The following RUNX1 variants were observed in gnomAD, a reference collection of about 807,000 sequenced individuals.
The protein encoded by RUNX1 is RUNX family transcription factor 1, also known as runt-related transcription factor 1.
A neutral mutation model predicts 42.8 loss-of-function variants in RUNX1; 19 were observed. The ratio of observed to expected loss-of-function variants is 0.44; its 90% CI spans 0.31 to 0.65. The LOEUF (loss-of-function observed/expected upper bound fraction) is 0.65, where lower values mean the gene tolerates loss of function less well. Among genes scored for constraint, RUNX1 ranks in the 30% least tolerant of loss-of-function variants. The pLI, the probability that RUNX1 is intolerant of heterozygous loss-of-function variation, is 0.07. For synonymous variants in RUNX1, 271 were observed against 289.4 expected, an observed-to-expected ratio of 0.94 and a Z score of 0.64; for missense variants, 528 against 672.0, an observed-to-expected ratio of 0.79 and a Z score of 2.37.
At chr21:34,897,745 C>T (rs113397207) in intron 2 of RUNX1, among the ~76,000 whole-genome samples, 1,881 of 152,202 alleles carry the variant, frequency 0.012, 44 homozygotes, top group African/African-American at 0.042. Flanking sequence ...TAGTTAGTAG[C>T]GTTGGAAGCA....
At chr21:34,998,731 T>G (rs375669842) in intron 2 of RUNX1, among the ~76,000 whole-genome samples, 2 of 152,020 alleles carry the variant, frequency 1.3e-5, no homozygotes. Context: ...TTAGTAGAGA[T>G]GGGGTTTCAC....
intron 4 of RUNX1, among the ~76,000 whole-genome samples, chr21:34,886,590 G>A (rs1350122865): frequency 6.6e-6 from 1 of 152,244 alleles, no homozygotes; most frequent in African/African-American, 2.4e-5. Context: ...CCGGCTCCCA[G>A]TGGATATCTT....
At chr21:35,038,632 T>TG (rs2059333599) in intron 2 of RUNX1, 1 of 453,732 alleles carries the variant, frequency 2.2e-6, no homozygotes, top group African/African-American at 2.0e-5. Context: ...TGTGTGTGTG[T>TG]GTGTGTGTGT....
At chr21:35,040,748 T>G (rs1367581253) in intron 2 of RUNX1, among the ~76,000 whole-genome samples, 1 of 127,960 alleles carries the variant, frequency 7.8e-6, no homozygotes, top group East Asian at 2.2e-4. Context: ...TCCAGCCTGG[T>G]GACAGAGCTA....
intron 5 of RUNX1, among the ~76,000 whole-genome samples, chr21:34,863,766 T>C (rs940565636): frequency 6.6e-6 from 1 of 151,996 alleles, no homozygotes; most frequent in South Asian, 2.1e-4. Context: ...ATGTCAGCCA[T>C]GCTGGTCTCG....
At chr21:34,872,284 G>C (rs2057749665) in intron 5 of RUNX1, among the ~76,000 whole-genome samples, 1 of 152,198 alleles carries the variant, frequency 6.6e-6, no homozygotes, top group South Asian at 2.1e-4. Context: ...AGTTTCTGCA[G>C]TCCTCGTGGA....
chr21:35,045,157 T>C (rs889264742), intron 2 of RUNX1, among the ~76,000 whole-genome samples: 1 of 152,220 alleles, frequency 6.6e-6, no homozygotes, highest in Non-Finnish European at 1.5e-5. Context: ...AAAGTCTAAA[T>C]GGCAAAGGCA....
At chr21:35,030,126 G>A (rs1051014370) in intron 2 of RUNX1, among the ~76,000 whole-genome samples, 9 of 152,084 alleles carry the variant, frequency 5.9e-5, no homozygotes, top group Admixed American at 4.6e-4. Flanking sequence ...GGTGGATCAC[G>A]AGGTTAGGAG....
At chr21:34,914,719 G>A (rs1380814781) in intron 2 of RUNX1, among the ~76,000 whole-genome samples, 2 of 152,170 alleles carry the variant, frequency 1.3e-5, no homozygotes, top group Non-Finnish European at 2.9e-5. Flanking sequence ...GTTCAACTGC[G>A]CCTGAGACAG....
At chr21:35,025,510 C>T (rs1021959903) in intron 2 of RUNX1, among the ~76,000 whole-genome samples, 1 of 152,202 alleles carries the variant, frequency 6.6e-6, no homozygotes, top group Non-Finnish European at 1.5e-5. Flanking sequence ...ACACGCTATC[C>T]CTGGCCAGCT....
rs1387510118 is a variant in RUNX1 at position 34,788,805 on chromosome 21, G to A, written c.*3330C>T. On this transcript the variant is annotated 3_prime_UTR_variant, in exon 9 of 9. Coordinates refer to ENST00000675419, the MANE Select transcript of RUNX1 (RefSeq NM_001754.5). ...TTTGTTCAGATGTAAAATATGTTTTGTGAGATTATTGTCAAACAAATTTTC... is the reference window on the plus strand; with the variant it reads ...TTTGTTCAGATGTAAAATATGTTTTATGAGATTATTGTCAAACAAATTTTC... 1 of 233,558 alleles carries A rather than the reference G, an allele frequency of 4.3e-6. No homozygotes were observed. The highest frequency in any genetic ancestry group is 5.6e-5 in the Admixed American group (1 of 17,800). 14.5% of individuals were successfully genotyped at this position (233,558 alleles called of 1,614,324 possible). A position where few individuals can be genotyped will look rare whatever the true frequency, so the allele number is the denominator to read the frequency against.
intron 2 of RUNX1, among the ~76,000 whole-genome samples, chr21:34,990,163 T>G (rs1047643770): frequency 3.9e-5 from 6 of 152,200 alleles, no homozygotes; most frequent in African/African-American, 1.4e-4. Flanking sequence ...GCCTGTCAGT[T>G]TCATTCAGAG....
At chr21:34,935,449 T>G (rs1301255497) in intron 2 of RUNX1, among the ~76,000 whole-genome samples, 1 of 152,178 alleles carries the variant, frequency 6.6e-6, no homozygotes, top group African/African-American at 2.4e-5. Flanking sequence ...AGAAATGAAA[T>G]AATGTTTAAA....
At chr21:34,918,229 C>T (rs1018066740) in intron 2 of RUNX1, among the ~76,000 whole-genome samples, 1 of 151,580 alleles carries the variant, frequency 6.6e-6, no homozygotes, top group Non-Finnish European at 1.5e-5. Flanking sequence ...ATAATCCAAG[C>T]ACCCCAATCC....
chr21:34,952,469 G>A (rs2058615802), intron 2 of RUNX1, among the ~76,000 whole-genome samples: 1 of 152,086 alleles, frequency 6.6e-6, no homozygotes, highest in Non-Finnish European at 1.5e-5. Flanking sequence ...GGGTACCTGA[G>A]GTGGCAATTT....
At chr21:34,815,701 T>G (rs2056816069) in intron 7 of RUNX1, among the ~76,000 whole-genome samples, 1 of 151,570 alleles carries the variant, frequency 6.6e-6, no homozygotes, top group Non-Finnish European at 1.5e-5. Context: ...TGAGTAGGGG[T>G]TGGGATCCAA....
chr21:34,973,607 T>C (rs2058778383), intron 2 of RUNX1, among the ~76,000 whole-genome samples: 1 of 152,196 alleles, frequency 6.6e-6, no homozygotes, highest in African/African-American at 2.4e-5. Context: ...AATCCTCCTA[T>C]AAATCTGCTT....
rs1601595675 is a variant in RUNX1, at chr21:34,944,094, A to T, written c.59-51131T>A. Among the ~76,000 whole-genome samples the T allele has an allele frequency of 9.2e-5, 14 of 152,258 alleles. 1 individual carries two copies. In the South Asian group the frequency reaches 2.9e-3, roughly 32 times the overall value. On this transcript the variant is annotated intron_variant, in intron 2 of 8. Coordinates refer to ENST00000675419, the MANE Select transcript of RUNX1 (RefSeq NM_001754.5). ...TGTGATCACAGCTCACTGTAGGCTC[A>T]AACTCCTGGGCTCAAGTGATCCTCC...
intron 2 of RUNX1, among the ~76,000 whole-genome samples, chr21:34,993,769 A>G (rs1393304948): frequency 3.7e-5 from 5 of 135,654 alleles, no homozygotes; most frequent in Non-Finnish European, 7.5e-5. Context: ...ACACAGGCGC[A>G]CACACACAGA....
Sources: gnomAD v4.1 joint callset for allele counts (sites outside exome capture counted in the v4.1 genomes callset) on GRCh38, gnomAD v4.1.1 for gene constraint, MANE v1.5 for transcripts, NCBI Gene and HGNC (gene_info 2026-07-23, HGNC 2026-07-21) for gene names.